GRID1: variants seen among roughly 807,000 people sequenced by gnomAD.
GRID1 encodes the protein glutamate ionotropic receptor delta type subunit 1.
In GRID1, 28 loss-of-function variants were observed where a neutral mutation model predicts 98.0. That is an observed-to-expected ratio of 0.29 (90% CI 0.21 to 0.39). The LOEUF (loss-of-function observed/expected upper bound fraction) is 0.39, where lower values mean the gene tolerates loss of function less well. GRID1 is among the 10% of genes least tolerant of loss of function. The pLI is 1.00. For synonymous variants in GRID1, 553 were observed against 538.5 expected, an observed-to-expected ratio of 1.03 and a Z score of -0.37; for missense variants, 1,111 against 1,340.5, an observed-to-expected ratio of 0.83 and a Z score of 2.67.
intron 4 of GRID1, among the ~76,000 whole-genome samples, chr10:86,020,397 C>T (rs562347483): frequency 1.3e-5 from 2 of 152,284 alleles, no homozygotes; most frequent in East Asian, 1.9e-4. Context: ...GTGCAGGAGT[C>T]GACACTCGCC....
At chr10:85,844,548 C>G (rs1399658582) in intron 8 of GRID1, among the ~76,000 whole-genome samples, 3 of 151,714 alleles carry the variant, frequency 2.0e-5, no homozygotes, top group Non-Finnish European at 4.4e-5. Flanking sequence ...TATTGCATAA[C>G]AGTATCGCAA....
At chr10:85,818,946 C>T (rs1463529827) in intron 8 of GRID1, among the ~76,000 whole-genome samples, 1 of 152,202 alleles carries the variant, frequency 6.6e-6, no homozygotes, top group East Asian at 1.9e-4. Context: ...GTCTCAAACT[C>T]CTGAGCTTGA....
intron 4 of GRID1, among the ~76,000 whole-genome samples, chr10:86,009,581 G>A (rs1412758273): frequency 1.3e-5 from 2 of 152,196 alleles, no homozygotes; most frequent in Non-Finnish European, 2.9e-5. Flanking sequence ...AAACAGCAGT[G>A]ATAGAAGAGG....
intron 4 of GRID1, among the ~76,000 whole-genome samples, chr10:86,036,771 C>T (rs907174459): frequency 3.3e-5 from 5 of 152,162 alleles, no homozygotes; most frequent in East Asian, 3.9e-4. Flanking sequence ...AGATGAGGAT[C>T]GACTGAAACA....
At chr10:86,356,400 C>G (rs1035899322) in intron 2 of GRID1, among the ~76,000 whole-genome samples, 3 of 152,220 alleles carry the variant, frequency 2.0e-5, no homozygotes, top group Admixed American at 1.3e-4. Flanking sequence ...CAGTTGTTTC[C>G]AGTTCTCTCT....
At position 85,969,217 on chromosome 10, in the gene GRID1, A is replaced by G. The variant is rs574213185; in HGVS notation, c.727-52978T>C. Among the ~76,000 whole-genome samples the G allele has an allele frequency of 2.6e-5, 4 of 152,338 alleles. No individual in the cohort carries two copies. In the South Asian group the frequency reaches 8.3e-4, roughly 32 times the overall value. On this transcript the variant is annotated intron_variant, in intron 4 of 15. Transcript: ENST00000327946. ...CAAAAATTGACAGTATTGAAGGTGG[A>G]CATAAATAATTCAATGATAATATTA...
At chr10:86,207,030 A>G (rs1037451230) in intron 2 of GRID1, among the ~76,000 whole-genome samples, 2 of 152,202 alleles carry the variant, frequency 1.3e-5, no homozygotes, top group African/African-American at 4.8e-5. Flanking sequence ...AAGCCCTTTA[A>G]GAGCCAAAAC....
chr10:85,917,565 A>C (rs576580816), intron 4 of GRID1, among the ~76,000 whole-genome samples: 1 of 152,360 alleles, frequency 6.6e-6, no homozygotes, highest in African/African-American at 2.4e-5. Flanking sequence ...TCAGTGTAAC[A>C]CAAATATCTT....
At chr10:85,612,523 G>T (rs922703741) in intron 15 of GRID1, among the ~76,000 whole-genome samples, 3 of 152,046 alleles carry the variant, frequency 2.0e-5, no homozygotes, top group African/African-American at 7.2e-5. Flanking sequence ...CCTGTTTGAG[G>T]TTTATATCCA....
chr10:86,306,291 A>T (rs963596730), intron 2 of GRID1, among the ~76,000 whole-genome samples: 1 of 152,218 alleles, frequency 6.6e-6, no homozygotes, highest in African/African-American at 2.4e-5. Flanking sequence ...TCTGGCTCTC[A>T]CAAGGACTGA....
intron 4 of GRID1, among the ~76,000 whole-genome samples, chr10:85,943,708 T>C (rs1197740025): frequency 1.3e-5 from 2 of 151,970 alleles, no homozygotes; most frequent in Admixed American, 1.3e-4. Flanking sequence ...GTGGTTAATA[T>C]CAGTAAATAA....
At chr10:85,631,409 A>G (rs1173974850) in intron 13 of GRID1, among the ~76,000 whole-genome samples, 1 of 152,096 alleles carries the variant, frequency 6.6e-6, no homozygotes, top group African/African-American at 2.4e-5. Context: ...CCAGCATCTG[A>G]CCCTGTGGAG....
At chr10:86,043,671 G>A (rs965514173) in intron 4 of GRID1, among the ~76,000 whole-genome samples, 4 of 152,194 alleles carry the variant, frequency 2.6e-5, no homozygotes, top group Admixed American at 6.5e-5. Context: ...CAATAAAACC[G>A]CTCCGGAACT....
intron 4 of GRID1, among the ~76,000 whole-genome samples, chr10:86,090,878 A>C (rs1379004949): frequency 6.6e-6 from 1 of 152,220 alleles, no homozygotes; most frequent in Non-Finnish European, 1.5e-5. Flanking sequence ...CCACTGGAGA[A>C]GCTGAAGGTC....
chr10:86,018,953 T>C (rs759599606), intron 4 of GRID1, among the ~76,000 whole-genome samples: 60 of 152,216 alleles, frequency 3.9e-4, no homozygotes, highest in Admixed American at 1.3e-3. Context: ...CTCCAAAAGA[T>C]ACTGACAATG....
chr10:85,961,973 GGAAGAAAA>G (rs1003227522), intron 4 of GRID1, among the ~76,000 whole-genome samples: 5 of 152,076 alleles, frequency 3.3e-5, no homozygotes, highest in Non-Finnish European at 7.4e-5. Context: ...AAGAAAGGAA[GGAAGAAAA>G]GAAGAAAATA....
intron 4 of GRID1, among the ~76,000 whole-genome samples, chr10:86,090,407 T>C (rs1844128707): frequency 6.6e-6 from 1 of 151,726 alleles, no homozygotes; most frequent in South Asian, 2.1e-4. Context: ...AGTGAGACTG[T>C]GTCTTAAAAA....
chr10:85,680,711 G>A (rs1841199082), intron 12 of GRID1, among the ~76,000 whole-genome samples: 1 of 152,110 alleles, frequency 6.6e-6, no homozygotes. Flanking sequence ...CAATAGCAAA[G>A]ATACGGAACC....
In GRID1 at chr10:85,803,131, T is replaced by C. The variant is rs541155887; in HGVS notation, c.1233+51365A>G. On this transcript the variant is annotated intron_variant, in intron 8 of 15. Transcript: ENST00000327946. ...GGGGATGGTTAATGGGTACAAAACA[T>C]ATAGTTAAAAGAATGAGTAAGAGCT... Among the ~76,000 whole-genome samples the C allele has an allele frequency of 5.8e-4, 88 of 152,108 alleles. 1 individual carries two copies. The highest frequency in any genetic ancestry group is 2.1e-3 in the African/African-American group (86 of 41,540).
Sources: gnomAD v4.1 joint callset for allele counts (sites outside exome capture counted in the v4.1 genomes callset) on GRCh38, gnomAD v4.1.1 for gene constraint, MANE v1.5 for transcripts, NCBI Gene and HGNC (gene_info 2026-07-23, HGNC 2026-07-21) for gene names.